Variants in DST observed in about 807,000 individuals in gnomAD.
DST encodes the protein dystonin, also known as bullous pemphigoid antigen.
A neutral mutation model predicts 875.2 loss-of-function variants in DST; 253 were observed. The ratio of observed to expected loss-of-function variants is 0.29; its 90% confidence interval spans 0.26 to 0.32. DST has a LOEUF of 0.32. Ranked by LOEUF, DST falls within the 10% of genes least tolerant of loss-of-function variation. The pLI, the probability that DST is intolerant of heterozygous loss-of-function variation, is 1.00. For missense variants in DST, 8,287 were observed against 9,111.6 expected (o/e 0.91, Z 3.68); for synonymous variants, 3,124 against 3,197.1 (o/e 0.98, Z 0.77).
chr6:56,813,281 G>A (rs1189306603), intron 4 of DST, among the ~76,000 whole-genome samples: 12 of 148,728 alleles, frequency 8.1e-5, no homozygotes, highest in African/African-American at 3.0e-4. Context: ...TATACCTAAT[G>A]CTAAATGACG....
At chr6:56,622,628 TGA>T (rs1009917658) in intron 36 of DST, among the ~76,000 whole-genome samples, 9 of 150,920 alleles carry the variant, frequency 6.0e-5, no homozygotes, top group African/African-American at 2.2e-4. Context: ...TTAGCAAATG[TGA>T]GAAAAATTAC....
chr6:56,482,691 G>A lies in DST; in HGVS notation c.21394C>T (p.Leu7132=), dbSNP rs777280523. The part of the protein sequence containing the change: ...ISKQTRLEAA[L]RQAEEFHSVV... ...ATTTACATGGTTTTTACCTGACGCA[G>A]GGCTGCTTCTAACCGTGTTTGCTTT... Residue 7132 remains leucine (L), a synonymous_variant, in exon 89 of 104, where the codon CTG becomes TTG. Transcript: ENST00000680361. 1.9e-6 allele frequency: 3 copies of A among 1,612,976 alleles called. No homozygotes were observed. Among genetic ancestry groups the A allele is most frequent in the Non-Finnish European group, 1.7e-6 (2 of 1,179,342 alleles).
rs1247236201 is a variant in DST at position 56,511,386 on chromosome 6, C to T, written c.18591G>A (p.Leu6197=). The change falls in exon 73 of 104, where the codon TTG becomes TTA. Residue 6197 remains leucine, a synonymous_variant. Transcript: ENST00000680361. ...CTATATGAGGCTTGTGTTCAGCTATCAACTCACGCAGTTGCTATAACAAAC... is the reference window on the plus strand; with the variant it reads ...CTATATGAGGCTTGTGTTCAGCTATTAACTCACGCAGTTGCTATAACAAAC... ...QQEEHRQLRE[L]IAEHKPHIDK... is the part of the protein sequence containing the mutation. 6.2e-7 allele frequency: 1 copy of T among 1,603,472 alleles called. No homozygotes were observed. The highest frequency in any genetic ancestry group is 1.1e-5 in the South Asian group (1 of 88,992).
rs2097797774 is a variant in DST, at chr6:56,572,871, G to T, written c.13430C>A (p.Thr4477Asn). The T allele has an allele frequency of 1.2e-6, 2 of 1,613,392 alleles. No homozygotes were observed. The highest frequency in any genetic ancestry group is 1.3e-5 in the African/African-American group (1 of 75,006). The change falls in exon 52 of 104, where the codon ACC becomes AAC. Residue 4477 changes from threonine to asparagine, a missense_variant. Physicochemically the swap from Thr to Asn is moderately conservative, Grantham distance 65. Around this residue, in one of 10 missense-constraint regions of DST, gnomAD observed 1,513 missense variants for 1,677.8 expected, o/e 0.90. Transcript: ENST00000680361. ...GAGGTTCTCAAACAGTTCTACTTTG[G>T]TTTTTAGCTCCTCCATTTTGGCAAG... ...ETLAKMEELK[T>N]KVELFENLSE...
At chr6:56,564,572 C>T (rs1285276421) in intron 55 of DST, among the ~76,000 whole-genome samples, 1 of 152,158 alleles carries the variant, frequency 6.6e-6, no homozygotes, top group Non-Finnish European at 1.5e-5. Flanking sequence ...ATTACTTTCT[C>T]TTACCTGATT....
intron 2 of DST, among the ~76,000 whole-genome samples, chr6:56,940,179 A>G (rs1273037588): frequency 6.8e-6 from 1 of 146,530 alleles, no homozygotes; most frequent in East Asian, 2.0e-4. Flanking sequence ...AATAAATTCC[A>G]CATTACCCCC....
intron 4 of DST, among the ~76,000 whole-genome samples, chr6:56,837,112 G>A (rs140289230): frequency 6.6e-6 from 1 of 152,046 alleles, no homozygotes; most frequent in Non-Finnish European, 1.5e-5. Context: ...ACATTAAATA[G>A]AGCATTCCAG....
intron 92 of DST, among the ~76,000 whole-genome samples, chr6:56,475,719 T>G (rs1383287401): frequency 6.6e-6 from 1 of 152,218 alleles, no homozygotes; most frequent in East Asian, 1.9e-4. Flanking sequence ...GTGAACATAA[T>G]GCATCCACAT....
intron 3 of DST, among the ~76,000 whole-genome samples, chr6:56,858,129 CTTCTGTTAG>C (rs968746234): frequency 5.3e-5 from 8 of 152,118 alleles, no homozygotes; most frequent in African/African-American, 1.9e-4. Context: ...CTCTCACTCT[CTTCTGTTAG>C]GGGAGATATG....
rs765125014 is a variant in DST at position 56,604,885 on chromosome 6, C to A, written c.9743G>T (p.Cys3248Phe). Residue 3248 changes from cysteine (C) to phenylalanine (F), a missense_variant, in exon 40 of 104, where the codon TGT (cysteine) becomes TTT (phenylalanine). Physicochemically the swap from Cys to Phe is radical, Grantham distance 205. Around this residue, in one of 10 missense-constraint regions of DST, gnomAD observed 3,138 missense variants for 3,116.6 expected, o/e 1.01. Transcript: ENST00000680361. ...LNDMIQSNDL[C>F]SKESISGGGT... Reference sequence around the variant, plus strand: ...TCCTCCTGAGATGCTTTCTTTACTACAAAGATCATTGCTTTGGATCATGTC... The same window carrying A: ...TCCTCCTGAGATGCTTTCTTTACTAAAAAGATCATTGCTTTGGATCATGTC... 3.7e-6 allele frequency: 6 copies of A among 1,612,498 alleles called. No individual in the cohort carries two copies. The East Asian group carries it at 8.9e-5, about 24-fold the overall frequency.
At chr6:56,920,505 C>A (rs1346847008) in intron 2 of DST, among the ~76,000 whole-genome samples, 1 of 152,126 alleles carries the variant, frequency 6.6e-6, no homozygotes, top group African/African-American at 2.4e-5. Context: ...AAGAATAATT[C>A]TTGGTAGAAA....
At position 56,526,416 on chromosome 6, in the gene DST, T is replaced by C. The variant is rs758878852; in HGVS notation, c.18074A>G (p.Asp6025Gly). The change falls in exon 69 of 104, where the codon GAC becomes GGC. Residue 6025 changes from aspartate (D) to glycine (G), a missense_variant. By Grantham distance (94) the Asp-to-Gly change is moderately conservative (BLOSUM62 -1). Transcript: ENST00000680361. ...CTCCTCCACCTTCTGAGTGATGGTG[T>C]CGCTCACTAATCGGTAGCGCTCATT... ...EDNERYRLVSDTITQKVEEID... is the reference protein window; with the variant it reads ...EDNERYRLVSGTITQKVEEID... The C allele has an allele frequency of 4.3e-6, 7 of 1,613,732 alleles. No individual in the cohort carries two copies. In the South Asian group the frequency reaches 7.7e-5, roughly 18 times the overall value.
chr6:56,550,410 C>A (rs7759875), intron 61 of DST, among the ~76,000 whole-genome samples: 101,718 of 152,170 alleles, frequency 0.67, 34,442 homozygotes, highest in Non-Finnish European at 0.7. Flanking sequence ...TATTTCTTCA[C>A]AATCAAATAA....
At chr6:56,463,024 G>GGAC in intron 102 of DST, 22 bp downstream of exon 102, 1 of 1,400,840 alleles carries the variant, frequency 7.1e-7, no homozygotes, top group Non-Finnish European at 1.0e-6. Flanking sequence ...TGTTAAGACT[G>GGAC]GACTCTGGGG....
chr6:56,822,236 C>T (rs879826257), intron 4 of DST, among the ~76,000 whole-genome samples: 3 of 152,128 alleles, frequency 2.0e-5, no homozygotes, highest in Non-Finnish European at 2.9e-5. Context: ...AAACAACACG[C>T]AGCACAGGGG....
rs759066168 is a variant in DST, at chr6:56,604,782, ATCT to A, written c.9843_9845del (p.Glu3281del). Reference sequence around the variant, plus strand: ...ACTGCAGAAAATCATTTTTCCCAACATCTTCTACATGTTTACGAGATAATATTG... The same window carrying A: ...ACTGCAGAAAATCATTTTTCCCAACATCTACATGTTTACGAGATAATATTG... On this transcript the variant is annotated inframe_deletion, in exon 40 of 104. Coordinates refer to ENST00000680361, the MANE Select transcript of DST (RefSeq NM_001374736.1). The A allele has an allele frequency of 1.9e-6, 3 of 1,612,814 alleles. No individual in the cohort carries two copies. The highest frequency in any genetic ancestry group is 1.7e-5 in the Admixed American group (1 of 59,878).
chr6:56,656,970 T>TAA (rs2099011976), intron 10 of DST, among the ~76,000 whole-genome samples: 1 of 152,154 alleles, frequency 6.6e-6, no homozygotes, highest in African/African-American at 2.4e-5. Context: ...TACCAATGTT[T>TAA]CCCACACTTG....
rs774123568 is a variant in DST, at chr6:56,628,044, C to T, written c.4593G>A (p.Gln1531=). 3.1e-6 allele frequency: 5 copies of T among 1,613,738 alleles called. No individual in the cohort carries two copies. Among genetic ancestry groups the T allele is most frequent in the Non-Finnish European group, 3.4e-6 (4 of 1,179,788 alleles). ...TGGCTAGGGTTTTACTATTTTCAGGCTGATTTTCCTGAATCTTTCTCTGAG... is the reference window on the plus strand; with the variant it reads ...TGGCTAGGGTTTTACTATTTTCAGGTTGATTTTCCTGAATCTTTCTCTGAG... ...ETTQRKIQEN[Q]PENSKTLATQ... Residue 1531 remains glutamine (Q), a synonymous_variant, in exon 33 of 104, where the codon CAG becomes CAA. Transcript: ENST00000680361.
intron 4 of DST, among the ~76,000 whole-genome samples, chr6:56,815,986 T>C (rs1240452412): frequency 6.6e-6 from 1 of 152,184 alleles, no homozygotes; most frequent in Non-Finnish European, 1.5e-5. Flanking sequence ...TCCCTGACTC[T>C]GAAAAAAAGT....
Sources: allele counts gnomAD v4.1 joint callset (sites outside exome capture counted in the v4.1 genomes callset), GRCh38; gene constraint gnomAD v4.1.1; regional missense constraint gnomAD v4.1.1; transcripts MANE v1.5; gene names NCBI Gene and HGNC (gene_info 2026-07-23, HGNC 2026-07-21).